Variants in DCDC1 observed in about 807,000 individuals in gnomAD.
DCDC1 encodes the protein doublecortin domain containing 1.
Under a neutral mutation model 178.3 loss-of-function variants are expected in DCDC1, and 200 were observed. The observed-to-expected ratio is 1.12, with a 90% confidence interval of 1.00 to 1.26. The LOEUF (loss-of-function observed/expected upper bound fraction) is 1.26. DCDC1 is among the 50% of genes most tolerant of loss of function. DCDC1 has a pLI of 0.00. For missense variants in DCDC1, 1,983 were observed against 1,749.2 expected, an observed-to-expected ratio of 1.13 and a Z score of -2.38; for synonymous variants, 690 against 604.8, an observed-to-expected ratio of 1.14 and a Z score of -2.07.
chr11:30,949,906 T>C (rs1948310013), intron 21 of DCDC1, among the ~76,000 whole-genome samples: 1 of 152,032 alleles, frequency 6.6e-6, no homozygotes, highest in Admixed American at 6.6e-5. Flanking sequence ...CTAATATAGA[T>C]GATGGGTTGA....
intron 20 of DCDC1, among the ~76,000 whole-genome samples, chr11:31,008,554 T>C (rs1331320362): frequency 2.6e-5 from 4 of 152,188 alleles, no homozygotes; most frequent in Non-Finnish European, 5.9e-5. Flanking sequence ...CGTTGTTATA[T>C]CTCTCATGTG....
chr11:31,105,420 C>T (rs1958780631), intron 13 of DCDC1, among the ~76,000 whole-genome samples: 1 of 151,560 alleles, frequency 6.6e-6, no homozygotes, highest in African/African-American at 2.4e-5. Context: ...ATTAGTGAGT[C>T]ATTACTTTCA....
chr11:31,171,126 C>A (rs1007387209), intron 9 of DCDC1, among the ~76,000 whole-genome samples: 7 of 152,164 alleles, frequency 4.6e-5, no homozygotes, highest in Non-Finnish European at 1.0e-4. Context: ...TTGCGCCAGG[C>A]TGAAAATCAG....
At chr11:31,115,594 C>G (rs907289458) in intron 11 of DCDC1, among the ~76,000 whole-genome samples, 1 of 152,182 alleles carries the variant, frequency 6.6e-6, no homozygotes, top group Admixed American at 6.5e-5. Context: ...ACAAAACTAT[C>G]TGGCATATTT....
At chr11:31,013,700 ATATT>A (rs1323882601) in intron 20 of DCDC1, among the ~76,000 whole-genome samples, 17 of 152,228 alleles carry the variant, frequency 1.1e-4, no homozygotes, top group African/African-American at 3.6e-4. Context: ...ACATAATAGA[ATATT>A]TATTTAGGGA....
intron 2 of DCDC1, among the ~76,000 whole-genome samples, chr11:31,328,775 C>A (rs1949785999): frequency 6.9e-6 from 1 of 144,234 alleles, no homozygotes; most frequent in Non-Finnish European, 1.5e-5. Flanking sequence ...CGCGCCACTG[C>A]ACTCCAGGCT....
At chr11:31,282,997 G>A (rs1439146258) in intron 7 of DCDC1, among the ~76,000 whole-genome samples, 1 of 151,968 alleles carries the variant, frequency 6.6e-6, no homozygotes, top group Non-Finnish European at 1.5e-5. Context: ...CCTCCCCTCT[G>A]GTTGCTTTTA....
At chr11:31,290,287 A>G (rs1180812797) in intron 7 of DCDC1, among the ~76,000 whole-genome samples, 1 of 152,036 alleles carries the variant, frequency 6.6e-6, no homozygotes, top group Non-Finnish European at 1.5e-5. Flanking sequence ...AAAGAGGCAG[A>G]TTTGAGACTG....
chr11:31,096,911 ATGTG>A (rs140701614), intron 15 of DCDC1, among the ~76,000 whole-genome samples: 93 of 150,578 alleles, frequency 6.2e-4, no homozygotes, highest in Non-Finnish European at 9.3e-4. Context: ...ATATGTATGT[ATGTG>A]TGTGTGTGTG....
chr11:30,976,508 A>G (rs559495389), intron 20 of DCDC1, among the ~76,000 whole-genome samples: 5 of 152,156 alleles, frequency 3.3e-5, no homozygotes, highest in East Asian at 1.9e-4. Context: ...TAATTCCATG[A>G]AAAAGTGGGC....
chr11:30,867,795 AAGAG>A (rs1437711712), intron 38 of DCDC1, among the ~76,000 whole-genome samples: 1 of 151,906 alleles, frequency 6.6e-6, no homozygotes, highest in Non-Finnish European at 1.5e-5. Context: ...AATCAGCTGG[AAGAG>A]AGAGAGAGGA....
At chr11:31,159,373 T>C (rs1193127657) in intron 9 of DCDC1, among the ~76,000 whole-genome samples, 1 of 152,190 alleles carries the variant, frequency 6.6e-6, no homozygotes, top group Admixed American at 6.5e-5. Flanking sequence ...TACAATTTCA[T>C]AGGGCAAATG....
intron 37 of DCDC1, 145 bp from the exon 38 acceptor site, chr11:30,878,856 T>G: frequency 1.5e-6 from 1 of 671,620 alleles, no homozygotes; most frequent in Non-Finnish European, 2.4e-6. Context: ...TTTGACTTCT[T>G]ATCACATGAG....
intron 9 of DCDC1, among the ~76,000 whole-genome samples, chr11:31,184,499 G>A (rs1969233198): frequency 6.6e-6 from 1 of 152,100 alleles, no homozygotes; most frequent in African/African-American, 2.4e-5. Flanking sequence ...GAGTGAACAG[G>A]CAACCCACAG....
At chr11:31,290,477 G>A (rs929114818) in intron 7 of DCDC1, among the ~76,000 whole-genome samples, 170 bp downstream of exon 7, 1 of 151,892 alleles carries the variant, frequency 6.6e-6, no homozygotes, top group Non-Finnish European at 1.5e-5. Context: ...TGGTATTAGT[G>A]CAATAAGCAG....
Position 31,010,414 on chromosome 11 carries a change from A to G in DCDC1, c.2591+54055T>C, listed in dbSNP as rs1455952185. On this transcript the variant is annotated intron_variant, in intron 20 of 38. Coordinates refer to ENST00000684477, the MANE Select transcript of DCDC1 (RefSeq NM_001387274.1). The stretch of plus-strand genomic sequence containing the variant: ...GATGCCACCTGCAGTTGCCCGCTAT[A>G]TGACCTCTCCGCAGGCAGTTCACAT... Among the ~76,000 whole-genome samples the G allele has an allele frequency of 2.0e-5, 3 of 152,344 alleles. No homozygotes were observed. In the East Asian group the frequency reaches 5.8e-4, roughly 29 times the overall value.
chr11:31,153,752 C>T (rs1965419526), intron 9 of DCDC1, among the ~76,000 whole-genome samples: 1 of 147,718 alleles, frequency 6.8e-6, no homozygotes, highest in South Asian at 2.2e-4. Flanking sequence ...CACAGCACTC[C>T]AGCCTGGGCG....
chr11:31,265,522 C>A lies in DCDC1; in HGVS notation c.1039G>T (p.Glu347Ter). The change falls in exon 8 of 39, where the codon GAA (glutamate) becomes TAA (stop). Residue 347 changes from glutamate to a stop codon, truncating the protein, a stop_gained. Coordinates refer to ENST00000684477, the MANE Select transcript of DCDC1 (RefSeq NM_001387274.1). LOFTEE classifies it high-confidence loss of function. ...YFYDLYGRKIEDISKVPLLEK... is the reference protein window; with the variant it reads ...YFYDLYGRKI ...TGCCACTTACCTTTTGAAATATCTT[C>A]AATTTTTCTGCCATACAAATCATAA... 7.0e-7 allele frequency: 1 copy of A among 1,425,172 alleles called. No individual in the cohort carries two copies. The highest frequency in any genetic ancestry group is 9.3e-7 in the Non-Finnish European group (1 of 1,079,046). 88.3% of individuals were successfully genotyped at this position (1,425,172 alleles called of 1,614,324 possible).
At chr11:31,346,479 A>G (rs921841463) in intron 1 of DCDC1, among the ~76,000 whole-genome samples, 3 of 131,648 alleles carry the variant, frequency 2.3e-5, no homozygotes, top group Non-Finnish European at 3.5e-5. Flanking sequence ...AAAAAAAAAA[A>G]AAAAAAAAAG....
Sources: gnomAD v4.1 joint callset for allele counts (sites outside exome capture counted in the v4.1 genomes callset) on GRCh38, gnomAD v4.1.1 for gene constraint, MANE v1.5 for transcripts, NCBI Gene and HGNC (gene_info 2026-07-23, HGNC 2026-07-21) for gene names.